NREP: variants seen among roughly 807,000 people sequenced by gnomAD.
NREP encodes the protein neuronal regeneration-related protein.
In NREP, 5 loss-of-function variants were observed where a neutral mutation model predicts 8.6. That is an observed-to-expected ratio of 0.58 (90% CI 0.30 to 1.22). NREP has a LOEUF of 1.22. NREP is among the 50% of genes most tolerant of loss of function. NREP has a pLI of 0.07. For missense variants in NREP, 86 were observed against 82.5 expected (o/e 1.04, Z -0.17); for synonymous variants, 27 against 28.0 (o/e 0.96, Z 0.11).
chr5:111,757,596 G>C (rs948410767), upstream of NREP: 2 of 983,780 alleles, frequency 2.0e-6, no homozygotes, highest in Non-Finnish European at 2.4e-6. Context: ...CCCCGTCGGC[G>C]AGCGGCCAAC....
At chr5:111,736,026 G>C (rs1212811220) in intron 2 of NREP, among the ~76,000 whole-genome samples, 1 of 152,172 alleles carries the variant, frequency 6.6e-6, no homozygotes, top group African/African-American at 2.4e-5. Context: ...GTGTCTGAGG[G>C]AGGGGCGGGA....
chr5:111,758,076 G>A (rs998315370), upstream of NREP: 17 of 985,432 alleles, frequency 1.7e-5, no homozygotes, highest in Admixed American at 1.0e-3. Flanking sequence ...CACACAAAGA[G>A]TCCGCGAAGG....
chr5:111,960,367 A>G (rs1756446083), intron 2 of NREP, among the ~76,000 whole-genome samples: 2 of 152,188 alleles, frequency 1.3e-5, no homozygotes, highest in South Asian at 2.1e-4. Flanking sequence ...ATTCTTTAAC[A>G]TATTTAATGG....
intron 2 of NREP, among the ~76,000 whole-genome samples, chr5:111,934,234 C>T (rs1755621931): frequency 6.6e-6 from 1 of 151,996 alleles, no homozygotes; most frequent in Non-Finnish European, 1.5e-5. Flanking sequence ...CCATTGCGGG[C>T]ATACGTTGGG....
chr5:111,754,736 T>C (rs370480604), intron 2 of NREP, among the ~76,000 whole-genome samples: 9 of 152,188 alleles, frequency 5.9e-5, no homozygotes, highest in African/African-American at 2.2e-4. Flanking sequence ...AAGTGACGCA[T>C]ACATAAAAAA....
intron 2 of NREP, among the ~76,000 whole-genome samples, chr5:111,924,359 G>A (rs1033105107): frequency 1.2e-4 from 19 of 152,076 alleles, no homozygotes; most frequent in African/African-American, 3.6e-4. Context: ...GGGGTATCCC[G>A]AAACCTTTGT....
intron 3 of NREP, chr5:111,734,747 A>C: frequency 1.4e-6 from 1 of 700,012 alleles, no homozygotes; most frequent in Non-Finnish European, 2.6e-6. Context: ...TCTTAACTGC[A>C]AAATCAGCAA....
chr5:111,815,997 G>A (rs1752377311), intron 2 of NREP, among the ~76,000 whole-genome samples: 1 of 152,068 alleles, frequency 6.6e-6, no homozygotes, highest in Non-Finnish European at 1.5e-5. Context: ...CTTTCAAAGG[G>A]AGCAAAGGTA....
chr5:111,739,465 A>G (rs891297643), intron 2 of NREP: 1 of 152,342 alleles, frequency 6.6e-6, no homozygotes, highest in African/African-American at 2.4e-5. Context: ...AGTTCAGAAT[A>G]TTAGGAACTG....
At chr5:111,919,982 C>CA (rs1554053124) in intron 2 of NREP, among the ~76,000 whole-genome samples, 1 of 142,536 alleles carries the variant, frequency 7.0e-6, no homozygotes, top group Non-Finnish European at 1.5e-5. Flanking sequence ...TACCCCCCCC[C>CA]CCCACACACA....
chr5:111,847,244 G>A (rs915493143), intron 2 of NREP, among the ~76,000 whole-genome samples: 3 of 152,186 alleles, frequency 2.0e-5, no homozygotes, highest in African/African-American at 7.2e-5. Context: ...GCTGCCGAAC[G>A]GTTGGGTTCT....
At chr5:111,828,900 A>G (rs1459964474) in intron 2 of NREP, among the ~76,000 whole-genome samples, 1 of 152,206 alleles carries the variant, frequency 6.6e-6, no homozygotes, top group Non-Finnish European at 1.5e-5. Flanking sequence ...TGGACAGCAC[A>G]GATAATAGGC....
rs140567718 is a variant in NREP, at chr5:111,959,649, A to G, written c.135+15625T>C. Among the ~76,000 whole-genome samples the G allele has an allele frequency of 3.3e-5, 5 of 152,090 alleles. No individual in the cohort carries two copies. The East Asian group carries it at 9.6e-4, about 29-fold the overall frequency. On this transcript the variant is annotated intron_variant, in intron 2 of 3. Coordinates refer to the NREP transcript ENST00000395634. ...GTCAAAATTGACATGAACTTTTAAG[A>G]CCTCAAATATCAACAGTTAAAGAAT...
chr5:111,904,544 C>T (rs1423952972), intron 2 of NREP, among the ~76,000 whole-genome samples: 2 of 152,026 alleles, frequency 1.3e-5, no homozygotes, highest in Admixed American at 6.6e-5. Context: ...TCTCACTAAG[C>T]AATATTCATT....
At chr5:111,884,115 G>C (rs1754170235) in intron 2 of NREP, among the ~76,000 whole-genome samples, 1 of 152,040 alleles carries the variant, frequency 6.6e-6, no homozygotes, top group Non-Finnish European at 1.5e-5. Context: ...GAATCAAATA[G>C]ATGCAATAAA....
intron 2 of NREP, among the ~76,000 whole-genome samples, chr5:111,968,153 T>A (rs996854539): frequency 1.3e-5 from 2 of 152,182 alleles, no homozygotes; most frequent in African/African-American, 2.4e-5. Flanking sequence ...ATAGTTTTTT[T>A]AATGAAAATG....
chr5:111,796,927 T>A (rs189977367), intron 2 of NREP, among the ~76,000 whole-genome samples: 4 of 152,264 alleles, frequency 2.6e-5, no homozygotes, highest in Non-Finnish European at 4.4e-5. Flanking sequence ...GGGCTTGCTG[T>A]CCCTGATGTA....
rs1748416472 is a variant in NREP, at chr5:111,730,099, G to GT, written c.*821dup. ...GAAGAGATTTGGTAAGTAAATTACAGTTTTGTGATTGCTCCCGCTACCGTG... is the reference window on the plus strand; with the variant it reads ...GAAGAGATTTGGTAAGTAAATTACAGTTTTTGTGATTGCTCCCGCTACCGTG... On this transcript the variant is annotated 3_prime_UTR_variant, in exon 4 of 4. Coordinates refer to ENST00000257435, the MANE Select transcript of NREP (RefSeq NM_004772.4). 6.6e-6 allele frequency: 1 copy of GT among 152,550 alleles called. No individual in the cohort carries two copies. Among genetic ancestry groups the GT allele is most frequent in the East Asian group, 1.9e-4 (1 of 5,194 alleles). The allele number at this position is 152,550 out of a possible 1,614,324, so 9.4% of individuals were successfully genotyped here. A position where few individuals can be genotyped will look rare whatever the true frequency, so the allele number is the denominator to read the frequency against.
At chr5:111,775,507 CAT>C (rs1305046627) in intron 2 of NREP, among the ~76,000 whole-genome samples, 16 of 152,114 alleles carry the variant, frequency 1.1e-4, no homozygotes, top group Non-Finnish European at 4.4e-5. Context: ...CAGCCCTACT[CAT>C]ATTCTGTGTG....
Sources: gnomAD v4.1 joint callset for allele counts (sites outside exome capture counted in the v4.1 genomes callset) on GRCh38, gnomAD v4.1.1 for gene constraint, MANE v1.5 for transcripts, NCBI Gene and HGNC (gene_info 2026-07-23, HGNC 2026-07-21) for gene names.